The following TRA2B variants were observed in gnomAD, a reference collection of about 807,000 sequenced individuals.
TRA2B encodes transformer-2 protein homolog beta.
Under a neutral mutation model 41.7 loss-of-function variants are expected in TRA2B, and 14 were observed. That is an observed-to-expected ratio of 0.34 (90% CI 0.22 to 0.53). The LOEUF (loss-of-function observed/expected upper bound fraction) is 0.53, where lower values mean the gene tolerates loss of function less well. TRA2B is among the 20% of genes least tolerant of loss of function. The pLI, the probability that TRA2B is intolerant of heterozygous loss-of-function variation, is 0.95. For missense variants in TRA2B, 167 were observed against 396.8 expected (o/e 0.42, Z 4.92); for synonymous variants, 130 against 128.8 (o/e 1.01, Z -0.06).
intron 8 of TRA2B, 21 bp from the exon 9 acceptor site, chr3:185,917,746 A>G (rs1743554608): frequency 1.2e-6 from 2 of 1,610,394 alleles, no homozygotes; most frequent in East Asian, 2.2e-5. Flanking sequence ...AAGAATGAAC[A>G]TGCTTTAATA....
Position 185,937,963 on chromosome 3 carries a change from T to TCGCCG in TRA2B, c.-104_-103insCGGCG. On this transcript the variant is annotated 5_prime_UTR_variant, in exon 1 of 9. Transcript: ENST00000453386. ...GCCGCAGCCCCGCACGACGCGCCGG[T>TCGCCG]CGCCCAGCCGCTCAGAGCCGAAATG... 6.9e-7 allele frequency: 1 copy of TCGCCG among 1,442,062 alleles called. No individual in the cohort carries two copies. 89.3% of individuals were successfully genotyped at this position (1,442,062 alleles called of 1,614,324 possible).
intron 6 of TRA2B, 56 bp from the exon 7 acceptor site, chr3:185,919,552 T>G (rs1743634874): frequency 2.1e-6 from 3 of 1,449,606 alleles, no homozygotes; most frequent in Non-Finnish European, 2.9e-6. Context: ...TTTAAAAAAT[T>G]ATGTCATTCA....
rs182835373 is a variant in TRA2B at position 185,914,729 on chromosome 3, A to G, written c.*2986T>C. Among the ~76,000 whole-genome samples the G allele has an allele frequency of 6.6e-6, 1 of 152,086 alleles. No individual in the cohort carries two copies. The highest frequency in any genetic ancestry group is 1.9e-4 in the East Asian group (1 of 5,170). ...TACAAGAGCCAATCAAAATCCACTG[A>G]GATGGCATGCTGAAGGAATATTGGA... On this transcript the variant is annotated 3_prime_UTR_variant, in exon 9 of 9. Coordinates refer to ENST00000453386, the MANE Select transcript of TRA2B (RefSeq NM_004593.3).
At chr3:185,919,266 T>C (rs1280038659) in intron 7 of TRA2B, among the ~76,000 whole-genome samples, 171 bp downstream of exon 7, 2 of 152,258 alleles carry the variant, frequency 1.3e-5, no homozygotes, top group African/African-American at 2.4e-5. Flanking sequence ...AATTAATTTT[T>C]ATAAATATAC....
intron 3 of TRA2B, 151 bp from the exon 4 acceptor site, chr3:185,924,135 C>A: frequency 1.8e-6 from 1 of 550,200 alleles, no homozygotes; most frequent in Non-Finnish European, 2.9e-6. Flanking sequence ...AAAATTACAG[C>A]AAGTACTACA....
intron 1 of TRA2B, among the ~76,000 whole-genome samples, chr3:185,930,658 A>C (rs1453964732): frequency 1.3e-5 from 2 of 152,186 alleles, no homozygotes. Context: ...ACATTACACC[A>C]ATCACTTGAC....
intron 1 of TRA2B, chr3:185,928,950 T>A (rs1376497937): frequency 6.6e-6 from 1 of 152,174 alleles, no homozygotes; most frequent in East Asian, 1.9e-4. Flanking sequence ...ACCTAGAAAA[T>A]AAGACTTAAT....
chr3:185,922,428 G>A, intron 4 of TRA2B: 1 of 215,972 alleles, frequency 4.6e-6, no homozygotes, highest in East Asian at 1.0e-4. Context: ...TGGCCAGCTG[G>A]CTGTTTCTGT....
intron 6 of TRA2B, among the ~76,000 whole-genome samples, chr3:185,920,502 C>T (rs185044412): frequency 4.6e-5 from 7 of 152,088 alleles, no homozygotes; most frequent in Non-Finnish European, 8.8e-5. Flanking sequence ...CTCAAATTCC[C>T]GGGCTCAAGC....
At chr3:185,935,124 A>G in intron 1 of TRA2B, 1 of 985,412 alleles carries the variant, frequency 1.0e-6, no homozygotes, top group Non-Finnish European at 1.2e-6. Context: ...CTTTTTATTC[A>G]ACTTCTTGTA....
intron 6 of TRA2B, among the ~76,000 whole-genome samples, chr3:185,920,390 G>A (rs372164325): frequency 1.4e-3 from 219 of 152,242 alleles, no homozygotes; most frequent in African/African-American, 5.0e-3. Flanking sequence ...TTGCTCTGGG[G>A]GAGGAGACTC....
intron 1 of TRA2B, chr3:185,935,872 GC>G: frequency 3.0e-6 from 3 of 985,252 alleles, no homozygotes; most frequent in Non-Finnish European, 3.6e-6. Flanking sequence ...AGAGATCTCG[GC>G]CAGAAAGCGA....
At chr3:185,920,984 T>C (rs1578473673) in intron 6 of TRA2B, 120 bp downstream of exon 6, 2 of 682,284 alleles carry the variant, frequency 2.9e-6, no homozygotes, top group East Asian at 2.7e-5. Context: ...CTTTCTACTC[T>C]GCATTTCTCG....
chr3:185,924,666 T>G (rs1218830812), intron 3 of TRA2B: 1 of 152,236 alleles, frequency 6.6e-6, no homozygotes, highest in East Asian at 1.9e-4. Context: ...ATATAACAAA[T>G]TACTGGGTGT....
intron 2 of TRA2B, 42 bp downstream of exon 2, chr3:185,926,559 G>C: frequency 1.2e-6 from 2 of 1,610,134 alleles, no homozygotes; most frequent in African/African-American, 1.3e-5. Context: ...ACCAATTTCA[G>C]AGCTAAGAGT....
intron 3 of TRA2B, 90 bp from the exon 4 acceptor site, chr3:185,924,074 A>G (rs1335980716): frequency 1.9e-5 from 22 of 1,144,596 alleles, no homozygotes; most frequent in Non-Finnish European, 2.1e-5. Flanking sequence ...CCAAAATGTC[A>G]CTAACAAGAA....
chr3:185,934,801 T>A (rs1744285363), intron 1 of TRA2B: 2 of 985,342 alleles, frequency 2.0e-6, no homozygotes, highest in South Asian at 4.7e-5. Context: ...TGGGTTGGTG[T>A]CCAGATGCTG....
chr3:185,934,417 A>G (rs1340623486), intron 1 of TRA2B: 1 of 985,330 alleles, frequency 1.0e-6, no homozygotes, highest in Non-Finnish European at 1.2e-6. Context: ...TGGCAAAACC[A>G]GTAGTACTTA....
rs1560011315 is a variant in TRA2B, at chr3:185,926,143, A to G, written c.170+458T>C. On this transcript the variant is annotated intron_variant, in intron 2 of 8. Transcript: ENST00000453386. ...ATGCCTGACCACAGGCATAAATGGT[A>G]TCGCCCCAGGCAAACCAGGATGTAT... Among the ~76,000 whole-genome samples the G allele has an allele frequency of 2.0e-5, 3 of 152,002 alleles. No individual in the cohort carries two copies. The South Asian group carries it at 6.2e-4, about 32-fold the overall frequency.
Sources: allele counts gnomAD v4.1 joint callset (sites outside exome capture counted in the v4.1 genomes callset), GRCh38; gene constraint gnomAD v4.1.1; transcripts MANE v1.5; gene names NCBI Gene and HGNC (gene_info 2026-07-23, HGNC 2026-07-21).